GATA3: variants seen among roughly 807,000 people sequenced by gnomAD.
GATA3 encodes trans-acting T-cell-specific transcription factor GATA-3.
Under a neutral mutation model 36.0 loss-of-function variants are expected in GATA3, and 6 were observed. The observed-to-expected ratio is 0.17, with a 90% CI of 0.09 to 0.33. GATA3 has a LOEUF of 0.33. Among genes scored for constraint, GATA3 ranks in the 10% least tolerant of loss-of-function variants. GATA3 has a pLI of 1.00. For missense variants in GATA3, 514 were observed against 610.1 expected (o/e 0.84, Z 1.66); for synonymous variants, 326 against 273.0 (o/e 1.19, Z -1.92).
At chr10:8,067,624 C>T (rs1588387207) in intron 4 of GATA3, among the ~76,000 whole-genome samples, 1 of 152,124 alleles carries the variant, frequency 6.6e-6, no homozygotes, top group African/African-American at 2.4e-5. Flanking sequence ...AGAGACCATC[C>T]TGGCTAACAC....
chr10:8,068,776 A>C (rs926790143), intron 4 of GATA3, among the ~76,000 whole-genome samples: 1 of 152,196 alleles, frequency 6.6e-6, no homozygotes, highest in African/African-American at 2.4e-5. Context: ...AAGAAAGTGC[A>C]GGCTGTATAA....
intron 3 of GATA3, among the ~76,000 whole-genome samples, chr10:8,059,896 A>C (rs979543008): frequency 6.6e-6 from 1 of 152,254 alleles, no homozygotes; most frequent in Non-Finnish European, 1.5e-5. Context: ...TGTCCATTTC[A>C]GAGTGGGCAT....
chr10:8,063,081 TTTTG>T (rs1265259269), intron 3 of GATA3, among the ~76,000 whole-genome samples: 2 of 152,282 alleles, frequency 1.3e-5, no homozygotes, highest in African/African-American at 4.8e-5. Flanking sequence ...TTTTCGTTTA[TTTTG>T]TTTGTTTGTG....
In GATA3 at chr10:8,059,018, C is replaced by T. The variant is rs188774813; in HGVS notation, c.778+177C>T. ...CTGCATGTCCTCCCATCCTAGCTCACGCCTGGCCTCGGAAGCAGAGGGGAA... is the reference window on the plus strand; with the variant it reads ...CTGCATGTCCTCCCATCCTAGCTCATGCCTGGCCTCGGAAGCAGAGGGGAA... On this transcript the variant is annotated intron_variant, in intron 3 of 5. Transcript: ENST00000379328. Among the ~76,000 whole-genome samples the T allele has an allele frequency of 2.0e-3, 303 of 152,330 alleles. No homozygotes were observed. In the Middle Eastern group the frequency reaches 0.02, roughly 10 times the overall value.
rs1487224332 is a variant in GATA3, at chr10:8,047,801, C to G, written c.-370+2286C>G. Among the ~76,000 whole-genome samples the G allele has an allele frequency of 2.0e-5, 3 of 152,268 alleles. No individual in the cohort carries two copies. The East Asian group carries it at 5.8e-4, about 29-fold the overall frequency. Reference sequence around the variant, plus strand: ...GGAAGGCAGCCTAGAGCTGAGCTGCCCGGAGGGAGGGGCTGCGGGTAGGGG... The same window carrying G: ...GGAAGGCAGCCTAGAGCTGAGCTGCGCGGAGGGAGGGGCTGCGGGTAGGGG... On this transcript the variant is annotated intron_variant, in intron 1 of 1. Coordinates refer to the GATA3 transcript ENST00000643001.
upstream of GATA3, chr10:8,051,339 T>G: frequency 3.8e-6 from 1 of 265,946 alleles, no homozygotes. Flanking sequence ...CCAAGCCGGC[T>G]GCTGCCGACC....
At chr10:8,049,019 C>A (rs1386099766), upstream of GATA3, among the ~76,000 whole-genome samples, 2 of 151,816 alleles carry the variant, frequency 1.3e-5, no homozygotes, top group African/African-American at 2.4e-5. Context: ...CCACGGCTCG[C>A]GGCTCTCCTG....
chr10:8,067,910 A>G (rs1410860671), intron 4 of GATA3, among the ~76,000 whole-genome samples: 1 of 152,228 alleles, frequency 6.6e-6, no homozygotes, highest in Non-Finnish European at 1.5e-5. Context: ...TGTTCTTATA[A>G]CCATACCAGA....
At chr10:8,053,849 C>G (rs1007855761), upstream of GATA3, 3 of 152,144 alleles carry the variant, frequency 2.0e-5, no homozygotes, top group African/African-American at 7.2e-5. This position sits in a 1 kb window ranked among gnomAD's most constrained non-coding sequence, Gnocchi z 5.1. Flanking sequence ...TCTTTCTGTC[C>G]GTCTACACTG....
Position 8,074,288 on chromosome 10 carries a change from A to AG in GATA3, c.*265_*266insG, listed in dbSNP as rs1554797054. 2.0e-6 allele frequency: 1 copy of AG among 505,828 alleles called. No homozygotes were observed. The highest frequency in any genetic ancestry group is 3.1e-5 in the East Asian group (1 of 32,256). 31.3% of individuals were successfully genotyped at this position (505,828 alleles called of 1,614,324 possible). On this transcript the variant is annotated 3_prime_UTR_variant, in exon 6 of 6. Transcript: ENST00000379328. ...GGTCTCTAGTGCTGTGAAAAAAAAAATGCTGAACATTGCATATAACTTATA... is the reference window on the plus strand; with the variant it reads ...GGTCTCTAGTGCTGTGAAAAAAAAAAGTGCTGAACATTGCATATAACTTATA...
chr10:8,074,094 G>T lies in GATA3; in HGVS notation c.*71G>T, dbSNP rs2131523870. On this transcript the variant is annotated 3_prime_UTR_variant, in exon 6 of 6. Transcript: ENST00000379328. ...TCCCTTTCGACTTGCATTTTTGCAGGAGCAGTATCATGAAGCCTAAACGCG... is the reference window on the plus strand; with the variant it reads ...TCCCTTTCGACTTGCATTTTTGCAGTAGCAGTATCATGAAGCCTAAACGCG... 6.4e-7 allele frequency: 1 copy of T among 1,552,440 alleles called. No individual in the cohort carries two copies. The highest frequency in any genetic ancestry group is 1.1e-5 in the South Asian group (1 of 87,408).
upstream of GATA3, chr10:8,054,646 C>T (rs1328934239): frequency 1.3e-5 from 2 of 151,884 alleles, no homozygotes; most frequent in African/African-American, 4.8e-5. This position sits in a 1 kb window ranked among gnomAD's most constrained non-coding sequence, Gnocchi z 4.2. Context: ...GCGCGGATGA[C>T]ACTAGAACCT....
chr10:8,059,830 G>GATTTAACTGTATTA (rs1832718335), intron 3 of GATA3, among the ~76,000 whole-genome samples: 1 of 152,224 alleles, frequency 6.6e-6, no homozygotes. Context: ...CTCTGATATT[G>GATTTAACTGTATTA]ATTTAACTGT....
chr10:8,048,879 C>T (rs1026404483), upstream of GATA3, among the ~76,000 whole-genome samples: 4 of 151,172 alleles, frequency 2.6e-5, no homozygotes, highest in Non-Finnish European at 5.9e-5. Context: ...GGGGTTTTCT[C>T]AACCGGGGAA....
upstream of GATA3, among the ~76,000 whole-genome samples, chr10:8,054,398 G>T (rs1174457296): frequency 1.3e-5 from 2 of 152,176 alleles, no homozygotes; most frequent in Non-Finnish European, 2.9e-5. The surrounding 1 kb of genome is among the most constrained non-coding windows in gnomAD (Gnocchi z 4.2). Flanking sequence ...CATTTAAAGG[G>T]CCAGAGCGCG....
chr10:8,058,361 G>A lies in GATA3; in HGVS notation c.298G>A (p.Gly100Ser), dbSNP rs904307886. The A allele has an allele frequency of 5.0e-6, 8 of 1,612,894 alleles. 1 individual carries two copies. The South Asian group carries it at 5.5e-5, about 11-fold the overall frequency. ...TGGATCCCTACCCTGGCTGGACGGC[G>A]GCAAAGCCCTGGGCAGCCACCACAC... is the stretch of plus-strand genomic sequence containing the variant. Reference protein sequence around the residue: ...LHGSLPWLDGGKALGSHHTAS... With the variant: ...LHGSLPWLDGSKALGSHHTAS... Residue 100 changes from glycine (G) to serine (S), a missense_variant, in exon 3 of 6, where the codon GGC (glycine) becomes AGC (serine). Gly to Ser is a moderately conservative substitution (Grantham distance 56). Around this residue, in one of 3 missense-constraint regions of GATA3, gnomAD observed 381 missense variants for 354.3 expected, o/e 1.08. Transcript: ENST00000379328.
intron 4 of GATA3, among the ~76,000 whole-genome samples, chr10:8,064,636 A>T (rs937264531): frequency 6.6e-6 from 1 of 152,186 alleles, no homozygotes. Context: ...TGGATTTGTT[A>T]TGCTAATGCT....
In GATA3 at chr10:8,071,838, G is replaced by A. The variant is rs11567935; in HGVS notation, c.1051-1901G>A. Among the ~76,000 whole-genome samples, 450 of 152,164 alleles carry A rather than the reference G, an allele frequency of 3.0e-3. 2 individuals carry two copies. Among genetic ancestry groups the A allele is most frequent in the African/African-American group, 0.01 (427 of 41,486 alleles). ...AGGTGTTGAGATAACTGCCTACCTC[G>A]GTATCAGCATCTCTCAGTGGTGTTG... On this transcript the variant is annotated intron_variant, in intron 5 of 5. Transcript: ENST00000379328.
Position 8,069,546 on chromosome 10 carries a change from C to T in GATA3, c.998C>T (p.Ala333Val), listed in dbSNP as rs1211413464. 1 of 1,613,920 alleles carries T rather than the reference C, an allele frequency of 6.2e-7. No homozygotes were observed. Among genetic ancestry groups the T allele is most frequent in the Non-Finnish European group, 8.5e-7 (1 of 1,179,960 alleles). ...ACAACCACACTCTGGAGGAGGAATG[C>T]CAATGGGGACCCTGTCTGCAATGCC... ...TTTTTLWRRN[A>V]NGDPVCNACG... is the part of the protein sequence containing the mutation. Residue 333 changes from alanine to valine, a missense_variant, in exon 5 of 6, where the codon GCC becomes GTC. Around this residue, in one of 3 missense-constraint regions of GATA3, gnomAD observed 44 missense variants for 151.5 expected, o/e 0.29. Transcript: ENST00000379328.
Sources: allele counts gnomAD v4.1 joint callset (sites outside exome capture counted in the v4.1 genomes callset), GRCh38; gene constraint gnomAD v4.1.1; regional missense constraint gnomAD v4.1.1; non-coding constraint Gnocchi (gnomAD v3.1); transcripts MANE v1.5; gene names NCBI Gene and HGNC (gene_info 2026-07-23, HGNC 2026-07-21).